TASP1: variants seen among roughly 807,000 people sequenced by gnomAD.
TASP1 encodes the protein threonine aspartase 1.
In TASP1, 16 loss-of-function variants were observed where a neutral mutation model predicts 56.6. That is an observed-to-expected ratio of 0.28 (90% CI 0.19 to 0.43). The LOEUF is 0.43. Ranked by LOEUF, TASP1 falls within the 20% of genes least tolerant of loss-of-function variation. The pLI, the probability that TASP1 is intolerant of heterozygous loss-of-function variation, is 1.00. For missense variants in TASP1, 393 were observed against 511.6 expected (o/e 0.77, Z 2.24); for synonymous variants, 179 against 184.2 (o/e 0.97, Z 0.23).
chr20:13,526,611 A>C (rs2044990083), intron 10 of TASP1, among the ~76,000 whole-genome samples: 1 of 152,202 alleles, frequency 6.6e-6, no homozygotes, highest in South Asian at 2.1e-4. Flanking sequence ...ATTCGATTCA[A>C]CATTAATTCA....
intron 3 of TASP1, among the ~76,000 whole-genome samples, chr20:13,624,409 C>A (rs2048816259): frequency 1.3e-5 from 2 of 151,870 alleles, no homozygotes; most frequent in African/African-American, 4.8e-5. Flanking sequence ...AGAACAAAAT[C>A]CCTGTAACAA....
At chr20:13,196,870 A>C in the TASP1 span, among the ~76,000 whole-genome samples, 1 of 152,296 alleles carries the variant, frequency 6.6e-6, no homozygotes, top group South Asian at 2.1e-4. Flanking sequence ...GTTTGTCATC[A>C]AAGCACTTTG....
chr20:13,145,824 G>A, the TASP1 span, among the ~76,000 whole-genome samples: 2 of 152,134 alleles, frequency 1.3e-5, no homozygotes, highest in African/African-American at 4.8e-5. Flanking sequence ...AGAGTGCTCA[G>A]AAATAAGACT....
Position 13,594,226 on chromosome 20 carries a change from A to C in TASP1, c.283-6856T>G, listed in dbSNP as rs184246486. Among the ~76,000 whole-genome samples, 433 of 152,354 alleles carry C rather than the reference A, an allele frequency of 2.8e-3. 2 individuals carry two copies. Among genetic ancestry groups the C allele is most frequent in the Middle Eastern group, 0.014 (4 of 294 alleles). On this transcript the variant is annotated intron_variant, in intron 4 of 13. Transcript: ENST00000337743. ...ACACCAAAAACCCCATCTGTAGGTC[A>C]CCAACATCAAAGACAAAAGGTAGAT... is the stretch of plus-strand genomic sequence containing the variant.
the TASP1 span, among the ~76,000 whole-genome samples, chr20:13,108,298 A>C: frequency 6.6e-6 from 1 of 152,248 alleles, no homozygotes; most frequent in Non-Finnish European, 1.5e-5. Context: ...ACTCTATTTC[A>C]AAGAACTATC....
intron 12 of TASP1, among the ~76,000 whole-genome samples, chr20:13,419,975 T>C (rs1285627034): frequency 6.6e-6 from 1 of 152,218 alleles, no homozygotes; most frequent in Non-Finnish European, 1.5e-5. Context: ...CTAACTTGCC[T>C]AACAGAGGAA....
chr20:13,301,946 G>A, the TASP1 span, among the ~76,000 whole-genome samples: 1 of 152,144 alleles, frequency 6.6e-6, no homozygotes, highest in Non-Finnish European at 1.5e-5. Context: ...GAAGGAGTGG[G>A]ATTTTATAAA....
chr20:13,113,410 G>A, the TASP1 span, among the ~76,000 whole-genome samples: 1 of 152,074 alleles, frequency 6.6e-6, no homozygotes, highest in South Asian at 2.1e-4. Context: ...TCAGCACAGA[G>A]CCCACATACA....
At chr20:13,551,747 C>T (rs752987318) in intron 8 of TASP1, among the ~76,000 whole-genome samples, 1 of 152,226 alleles carries the variant, frequency 6.6e-6, no homozygotes, top group African/African-American at 2.4e-5. Flanking sequence ...TTAAACACTT[C>T]ATTCCAAAAG....
chr20:13,331,087 A>G, the TASP1 span, among the ~76,000 whole-genome samples: 1 of 151,814 alleles, frequency 6.6e-6, no homozygotes, highest in Non-Finnish European at 1.5e-5. Flanking sequence ...TTAAGGTTGG[A>G]GCTTAGATTG....
the TASP1 span, among the ~76,000 whole-genome samples, chr20:13,356,844 C>A: frequency 6.6e-6 from 1 of 152,004 alleles, no homozygotes. Context: ...TCCCTCATGG[C>A]AGTAAGTAAT....
At chr20:13,176,600 T>C in the TASP1 span, among the ~76,000 whole-genome samples, 1 of 152,150 alleles carries the variant, frequency 6.6e-6, no homozygotes, top group East Asian at 1.9e-4. Flanking sequence ...TGTTGTTGGA[T>C]TCAGTTAGCT....
the TASP1 span, among the ~76,000 whole-genome samples, chr20:13,118,111 G>A: frequency 3.3e-4 from 50 of 152,220 alleles, 1 homozygote; most frequent in African/African-American, 8.4e-4. Context: ...TGTATACCAA[G>A]CCAGAAGTGA....
chr20:13,127,346 C>T, the TASP1 span, among the ~76,000 whole-genome samples: 1 of 152,184 alleles, frequency 6.6e-6, no homozygotes, highest in African/African-American at 2.4e-5. Flanking sequence ...ATGTCACACA[C>T]CAGAGGGGAT....
At chr20:13,363,455 C>T in the TASP1 span, among the ~76,000 whole-genome samples, 1 of 152,176 alleles carries the variant, frequency 6.6e-6, no homozygotes, top group Admixed American at 6.5e-5. Flanking sequence ...TGTTCATCTG[C>T]AGTTTTTGTT....
At chr20:13,299,264 G>A in the TASP1 span, 1 of 1,608,302 alleles carries the variant, frequency 6.2e-7, no homozygotes, top group Non-Finnish European at 8.5e-7. The surrounding 1 kb of genome is among the most constrained non-coding windows in gnomAD (Gnocchi z 5.8). Flanking sequence ...GCAAGGGGGC[G>A]GGCACGCCCA....
At chr20:13,453,246 G>A (rs780024120) in intron 11 of TASP1, among the ~76,000 whole-genome samples, 1 of 152,176 alleles carries the variant, frequency 6.6e-6, no homozygotes, top group Non-Finnish European at 1.5e-5. Flanking sequence ...CACTGAAATC[G>A]GAACAGCAGG....
chr20:13,233,394 G>A, the TASP1 span, among the ~76,000 whole-genome samples: 1 of 151,926 alleles, frequency 6.6e-6, no homozygotes, highest in South Asian at 2.1e-4. Context: ...TCGGGAGTTC[G>A]AGACCAGCCT....
intron 11 of TASP1, among the ~76,000 whole-genome samples, chr20:13,482,573 C>T (rs1038144796): frequency 2.6e-5 from 4 of 152,102 alleles, no homozygotes; most frequent in Admixed American, 2.6e-4. Context: ...TTGTCCTCTT[C>T]AATTTTGTTT....
Sources: allele counts gnomAD v4.1 joint callset (sites outside exome capture counted in the v4.1 genomes callset), GRCh38; gene constraint gnomAD v4.1.1; non-coding constraint Gnocchi (gnomAD v3.1); transcripts MANE v1.5; gene names NCBI Gene and HGNC (gene_info 2026-07-23, HGNC 2026-07-21).